Variants in AIG1 observed in about 807,000 individuals in gnomAD.
The protein encoded by AIG1 is androgen induced 1.
Under a neutral mutation model 31.4 loss-of-function variants are expected in AIG1, and 23 were observed. The observed-to-expected ratio is 0.73, with a 90% CI of 0.53 to 1.04. The LOEUF is 1.04. AIG1 is among the 50% of genes least tolerant of loss of function. AIG1 has a pLI of 0.00. For missense variants in AIG1, 274 were observed against 295.0 expected (o/e 0.93, Z 0.52); for synonymous variants, 100 against 110.5 (o/e 0.90, Z 0.60).
chr6:143,125,476 A>T (rs1221910653), intron 1 of AIG1, among the ~76,000 whole-genome samples: 1 of 152,268 alleles, frequency 6.6e-6, no homozygotes, highest in Non-Finnish European at 1.5e-5. Context: ...CAAAAAGTTC[A>T]TGCTAATATT....
chr6:143,265,629 C>A (rs925756688), intron 3 of AIG1, among the ~76,000 whole-genome samples: 2 of 152,178 alleles, frequency 1.3e-5, no homozygotes, highest in East Asian at 1.9e-4. Context: ...TGTGCTAAAG[C>A]CTTTTTCCTC....
intron 4 of AIG1, among the ~76,000 whole-genome samples, chr6:143,332,487 A>C (rs1317821352): frequency 2.6e-5 from 4 of 152,236 alleles, no homozygotes; most frequent in Non-Finnish European, 5.9e-5. Context: ...GAGAATGATT[A>C]AGTAAGAATG....
chr6:143,087,184 A>G lies in AIG1; in HGVS notation c.141+26118A>G, dbSNP rs138315092. 2.6e-3 allele frequency among the ~76,000 whole-genome samples: 398 copies of G among 152,344 alleles called. 3 individuals carry two copies. The highest frequency in any genetic ancestry group is 0.018 in the East Asian group (92 of 5,184). On this transcript the variant is annotated intron_variant, in intron 1 of 5. Transcript: ENST00000357847. Reference sequence around the variant, plus strand: ...TCTCATATTACTCACCTCTTTGGAGAATCCCAGTACGGTCTACCAAATGTT... The same window carrying G: ...TCTCATATTACTCACCTCTTTGGAGGATCCCAGTACGGTCTACCAAATGTT...
intron 1 of AIG1, among the ~76,000 whole-genome samples, chr6:143,094,878 A>G (rs1353438487): frequency 6.6e-6 from 1 of 152,176 alleles, no homozygotes; most frequent in Admixed American, 6.5e-5. Flanking sequence ...AGTTTAGAAA[A>G]CTGTTCAGAA....
Position 143,292,886 on chromosome 6 carries a change from G to A in AIG1, c.515+8661G>A, listed in dbSNP as rs1253651432. 2.6e-5 allele frequency among the ~76,000 whole-genome samples: 4 copies of A among 152,208 alleles called. No homozygotes were observed. The highest frequency in any genetic ancestry group is 9.6e-5 in the African/African-American group (4 of 41,454). ...GCTAGGAATACTCCATCCTAAGAGA[G>A]CCTCAGCTTAGTTCTTTCTGCAACT... On this transcript the variant is annotated intron_variant, in intron 4 of 5. Transcript: ENST00000357847. This position sits in a 1 kb window ranked among gnomAD's most constrained non-coding sequence, Gnocchi z 4.9.
At chr6:143,245,707 A>C (rs1319188054) in intron 3 of AIG1, among the ~76,000 whole-genome samples, 1 of 152,244 alleles carries the variant, frequency 6.6e-6, no homozygotes, top group South Asian at 2.1e-4. Flanking sequence ...AAGGAAAAAC[A>C]CTGGAAACTT....
intron 2 of AIG1, among the ~76,000 whole-genome samples, chr6:143,150,503 ACT>A (rs1785109629): frequency 6.6e-6 from 1 of 152,122 alleles, no homozygotes; most frequent in South Asian, 2.1e-4. Context: ...ACAGGAAGCC[ACT>A]CATCCCTACA....
intron 3 of AIG1, among the ~76,000 whole-genome samples, chr6:143,184,966 G>C (rs1437633192): frequency 6.6e-6 from 1 of 152,202 alleles, no homozygotes; most frequent in African/African-American, 2.4e-5. Context: ...GGGAGGCCGA[G>C]GTGGGCGGAT....
At chr6:143,127,558 T>C (rs1229679878) in intron 1 of AIG1, among the ~76,000 whole-genome samples, 1 of 152,256 alleles carries the variant, frequency 6.6e-6, no homozygotes, top group Non-Finnish European at 1.5e-5. Flanking sequence ...ATGATTCCAT[T>C]TTTATTTAAA....
At chr6:143,211,180 G>A (rs1583518038) in intron 3 of AIG1, among the ~76,000 whole-genome samples, 1 of 152,138 alleles carries the variant, frequency 6.6e-6, no homozygotes, top group Admixed American at 6.5e-5. Context: ...GTGAGTGAGT[G>A]GTGAAGTATG....
chr6:143,077,879 G>C (rs1583086241), intron 1 of AIG1, among the ~76,000 whole-genome samples: 1 of 152,188 alleles, frequency 6.6e-6, no homozygotes, highest in East Asian at 1.9e-4. Context: ...ATTAACACTT[G>C]GTAGATGTAG....
At chr6:143,060,830 C>T, upstream of AIG1, 1 of 626,584 alleles carries the variant, frequency 1.6e-6, no homozygotes, top group Non-Finnish European at 2.0e-6. Flanking sequence ...CGCCCGCGCC[C>T]GCGCCCGGGT....
At chr6:143,108,760 TTGTTTATA>T (rs1459126214) in intron 1 of AIG1, among the ~76,000 whole-genome samples, 1 of 152,190 alleles carries the variant, frequency 6.6e-6, no homozygotes, top group Non-Finnish European at 1.5e-5. Flanking sequence ...TCCTGTTTAT[TTGTTTATA>T]TTCAAAGCAG....
intron 1 of AIG1, among the ~76,000 whole-genome samples, chr6:143,118,764 T>C (rs569393113): frequency 2.0e-5 from 3 of 152,220 alleles, no homozygotes; most frequent in Admixed American, 6.5e-5. Context: ...TATGATCCTA[T>C]TAAGAATTTT....
intron 1 of AIG1, among the ~76,000 whole-genome samples, chr6:143,125,235 C>T (rs932540036): frequency 6.6e-6 from 1 of 152,010 alleles, no homozygotes; most frequent in Non-Finnish European, 1.5e-5. Context: ...CTTTTTTCCC[C>T]CAGTAATTGC....
chr6:143,205,846 G>T lies in AIG1; in HGVS notation c.399+40663G>T, dbSNP rs187373987. Among the ~76,000 whole-genome samples, 413 of 152,326 alleles carry T rather than the reference G, an allele frequency of 2.7e-3. 1 individual carries two copies. The highest frequency in any genetic ancestry group is 4.5e-3 in the Non-Finnish European group (303 of 68,028). On this transcript the variant is annotated intron_variant, in intron 3 of 5. Transcript: ENST00000357847. Reference sequence around the variant, plus strand: ...AAAAGCTTTTAATAAAATACAGATTGCAGGGCAAAGAAAAGTATCAACCGT... The same window carrying T: ...AAAAGCTTTTAATAAAATACAGATTTCAGGGCAAAGAAAAGTATCAACCGT...
At position 143,155,955 on chromosome 6, in the gene AIG1, A is replaced by C. The variant is rs998963501; in HGVS notation, c.298-9127A>C. Among the ~76,000 whole-genome samples the C allele has an allele frequency of 6.4e-4, 97 of 152,304 alleles. 1 individual carries two copies. Among genetic ancestry groups the C allele is most frequent in the African/African-American group, 2.3e-3 (96 of 41,574 alleles). ...CATAGATGGAGTTAAAGAGAACTGAAACCAGTGAGCCTGGCCAAGAGGCTA... is the reference window on the plus strand; with the variant it reads ...CATAGATGGAGTTAAAGAGAACTGACACCAGTGAGCCTGGCCAAGAGGCTA... On this transcript the variant is annotated intron_variant, in intron 2 of 5. Transcript: ENST00000357847.
intron 5 of AIG1, among the ~76,000 whole-genome samples, chr6:143,337,500 G>C (rs1777590048): frequency 1.3e-5 from 2 of 151,884 alleles, no homozygotes; most frequent in African/African-American, 4.8e-5. Context: ...AGCGCGGGGG[G>C]GGACACAATT....
chr6:143,187,682 T>G, intron 3 of AIG1: 1 of 1,536,064 alleles, frequency 6.5e-7, no homozygotes, highest in Non-Finnish European at 8.7e-7. Flanking sequence ...CATCTGACTT[T>G]GAAGCAGGCT....
Sources: allele counts gnomAD v4.1 joint callset (sites outside exome capture counted in the v4.1 genomes callset), GRCh38; gene constraint gnomAD v4.1.1; non-coding constraint Gnocchi (gnomAD v3.1); transcripts MANE v1.5; gene names NCBI Gene and HGNC (gene_info 2026-07-23, HGNC 2026-07-21).